Variants in CPLX2 observed in about 807,000 individuals in gnomAD.
CPLX2 encodes complexin-2.
Under a neutral mutation model 16.3 loss-of-function variants are expected in CPLX2, and 5 were observed. The observed-to-expected ratio is 0.31, with a 90% CI of 0.16 to 0.64. The LOEUF (loss-of-function observed/expected upper bound fraction) is 0.64, where lower values mean the gene tolerates loss of function less well. Ranked by LOEUF, CPLX2 falls within the 30% of genes least tolerant of loss-of-function variation. CPLX2 has a pLI of 0.79. For missense variants in CPLX2, 144 were observed against 181.4 expected, an observed-to-expected ratio of 0.79 and a Z score of 1.18; for synonymous variants, 89 against 73.2, an observed-to-expected ratio of 1.22 and a Z score of -1.10.
intron 2 of CPLX2, among the ~76,000 whole-genome samples, chr5:175,822,460 G>A (rs890803572): frequency 2.0e-5 from 3 of 152,186 alleles, no homozygotes; most frequent in Non-Finnish European, 4.4e-5. Flanking sequence ...AAAGGATGTG[G>A]AAACGCTTCC....
chr5:175,839,922 T>A (rs1758916761), intron 2 of CPLX2, among the ~76,000 whole-genome samples: 1 of 152,358 alleles, frequency 6.6e-6, no homozygotes. Flanking sequence ...AATGTGGCAT[T>A]TTAAAGAAGT....
chr5:175,842,201 A>T (rs1758956455), intron 2 of CPLX2, among the ~76,000 whole-genome samples: 1 of 152,242 alleles, frequency 6.6e-6, no homozygotes, highest in South Asian at 2.1e-4. Context: ...TGCCAGCAGG[A>T]TGGGGGCCAT....
chr5:175,856,448 C>T (rs2113684041), intron 2 of CPLX2, among the ~76,000 whole-genome samples: 1 of 152,290 alleles, frequency 6.6e-6, no homozygotes, highest in Non-Finnish European at 1.5e-5. Flanking sequence ...AAGCTGGAGC[C>T]CAGCCCCAGG....
chr5:175,800,978 T>C (rs1758082843), intron 1 of CPLX2, among the ~76,000 whole-genome samples: 1 of 151,960 alleles, frequency 6.6e-6, no homozygotes, highest in Admixed American at 6.5e-5. Context: ...GAGGCCCTAA[T>C]GTGAGCCTGG....
At chr5:175,828,212 G>T in intron 2 of CPLX2, among the ~76,000 whole-genome samples, 1 of 152,214 alleles carries the variant, frequency 6.6e-6, no homozygotes, top group Non-Finnish European at 1.5e-5. Flanking sequence ...GGAGTTTCAC[G>T]ATTTATTCTC....
rs1755473496 is a variant in CPLX2 at position 175,878,679 on chromosome 5, G to C, written c.-61G>C. On this transcript the variant is annotated 5_prime_UTR_variant, in exon 2 of 4. Transcript: ENST00000393745. ...TGTCACATCTTCCCAAGCCAGGCCA[G>C]CCAGGAGCGCTGCATGCAAATTCTG... is the stretch of plus-strand genomic sequence containing the variant. 6.3e-7 allele frequency: 1 copy of C among 1,593,296 alleles called. No homozygotes were observed. Among genetic ancestry groups the C allele is most frequent in the South Asian group, 1.1e-5 (1 of 87,766 alleles).
In CPLX2 at chr5:175,877,069, C is replaced by G. The variant is rs190369527; in HGVS notation, c.-88-1583C>G. ...TTGACCGGTATCATTCATTCTCCTT[C>G]AAACGTCCATTCAAGGGCAACCTTA... On this transcript the variant is annotated intron_variant, in intron 1 of 3. Transcript: ENST00000393745. Among the ~76,000 whole-genome samples, 22 of 152,288 alleles carry G rather than the reference C, an allele frequency of 1.4e-4. No homozygotes were observed. In the East Asian group the frequency reaches 3.9e-3, roughly 27 times the overall value.
intron 2 of CPLX2, among the ~76,000 whole-genome samples, chr5:175,810,469 C>T (rs1236489383): frequency 1.3e-5 from 2 of 152,202 alleles, no homozygotes. Flanking sequence ...AGCACTTGCA[C>T]CTTTGGGCTC....
intron 1 of CPLX2, among the ~76,000 whole-genome samples, chr5:175,873,981 A>G (rs1276386410): frequency 6.6e-6 from 1 of 152,230 alleles, no homozygotes; most frequent in Non-Finnish European, 1.5e-5. Flanking sequence ...GGGAAATAAT[A>G]CGTGCTAAGC....
At chr5:175,838,615 C>T (rs963503316) in intron 2 of CPLX2, among the ~76,000 whole-genome samples, 1 of 152,116 alleles carries the variant, frequency 6.6e-6, no homozygotes, top group African/African-American at 2.4e-5. Context: ...CCCCCTCACC[C>T]AAGCCTCAGA....
chr5:175,858,709 G>C (rs1458876999), intron 2 of CPLX2, among the ~76,000 whole-genome samples: 1 of 152,250 alleles, frequency 6.6e-6, no homozygotes, highest in Non-Finnish European at 1.5e-5. Flanking sequence ...CGAAGTTATA[G>C]GCACCGGCTG....
chr5:175,839,895 AC>A (rs1171108360), intron 2 of CPLX2, among the ~76,000 whole-genome samples: 1 of 152,194 alleles, frequency 6.6e-6, no homozygotes, highest in Non-Finnish European at 1.5e-5. Flanking sequence ...TTACATTCAA[AC>A]TCATTTGTAC....
At chr5:175,803,972 C>T (rs961271205) in intron 1 of CPLX2, among the ~76,000 whole-genome samples, 6 of 152,248 alleles carry the variant, frequency 3.9e-5, no homozygotes, top group East Asian at 1.9e-4. Context: ...GGGAGGGAGA[C>T]GACATAAGGC....
At chr5:175,848,895 C>A (rs1759099469) in intron 2 of CPLX2, among the ~76,000 whole-genome samples, 1 of 152,122 alleles carries the variant, frequency 6.6e-6, no homozygotes, top group Admixed American at 6.5e-5. Context: ...CCGGGGAAGG[C>A]AGGGAGTCCG....
chr5:175,812,467 A>C (rs534014586), intron 2 of CPLX2, among the ~76,000 whole-genome samples: 1 of 152,354 alleles, frequency 6.6e-6, no homozygotes, highest in South Asian at 2.1e-4. Flanking sequence ...GATTTTAGAC[A>C]TCAGTGTTTG....
rs557607559 is a variant in CPLX2 at position 175,802,532 on chromosome 5, C to A, written c.-169+5748C>A. The stretch of plus-strand genomic sequence containing the variant: ...CCTGTCTCTGACTCGTCGGAAGCTG[C>A]GACAGCCAGGAGGGCAAGCAGGGTC... On this transcript the variant is annotated intron_variant, in intron 1 of 4. Transcript: ENST00000359546. Among the ~76,000 whole-genome samples the A allele has an allele frequency of 3.3e-5, 5 of 152,286 alleles. No individual in the cohort carries two copies. The East Asian group carries it at 7.7e-4, about 24-fold the overall frequency.
chr5:175,801,496 G>A (rs1365151211), intron 1 of CPLX2, among the ~76,000 whole-genome samples: 1 of 152,222 alleles, frequency 6.6e-6, no homozygotes, highest in Non-Finnish European at 1.5e-5. Context: ...GGGGCAGCGT[G>A]TGGTAGCTGT....
intron 2 of CPLX2, among the ~76,000 whole-genome samples, chr5:175,833,963 C>T (rs1419732246): frequency 4.6e-5 from 7 of 152,216 alleles, no homozygotes; most frequent in Admixed American, 3.9e-4. Context: ...ATGGCTCCAG[C>T]CCCCATGGGC....
chr5:175,876,711 T>A (rs142616329), intron 1 of CPLX2, among the ~76,000 whole-genome samples: 87 of 152,198 alleles, frequency 5.7e-4, no homozygotes, highest in African/African-American at 2.0e-3. Context: ...TTGGAACATC[T>A]CAAATTAGAG....
Sources: gnomAD v4.1 joint callset for allele counts (sites outside exome capture counted in the v4.1 genomes callset) on GRCh38, gnomAD v4.1.1 for gene constraint, MANE v1.5 for transcripts, NCBI Gene and HGNC (gene_info 2026-07-23, HGNC 2026-07-21) for gene names.